Variants in USP47 observed in about 807,000 individuals in gnomAD.
USP47 encodes ubiquitin carboxyl-terminal hydrolase 47.
A neutral mutation model predicts 165.1 loss-of-function variants in USP47; 35 were observed. The ratio of observed to expected loss-of-function variants is 0.21; its 90% CI spans 0.16 to 0.28. The LOEUF is 0.28. USP47 is among the 10% of genes least tolerant of loss of function. USP47 has a pLI of 1.00. For synonymous variants in USP47, 531 were observed against 544.5 expected (o/e 0.98, Z 0.35); for missense variants, 1,277 against 1,607.4 (o/e 0.79, Z 3.52).
At chr11:11,931,097 G>A (rs1156981127) in intron 14 of USP47, among the ~76,000 whole-genome samples, 1 of 151,894 alleles carries the variant, frequency 6.6e-6, no homozygotes, top group Non-Finnish European at 1.5e-5. Flanking sequence ...TGCTAATTCT[G>A]ACTCAGGCTG....
At chr11:11,915,225 A>G (rs1241142923) in intron 8 of USP47, among the ~76,000 whole-genome samples, 2 of 152,224 alleles carry the variant, frequency 1.3e-5, no homozygotes, top group African/African-American at 2.4e-5. Flanking sequence ...AAAAAAGCCA[A>G]TCTCAAAAGG....
intron 3 of USP47, among the ~76,000 whole-genome samples, chr11:11,888,647 T>C (rs1232165426): frequency 6.6e-6 from 1 of 152,178 alleles, no homozygotes; most frequent in Non-Finnish European, 1.5e-5. Flanking sequence ...GTACCATTTC[T>C]ACTGAAACTA....
At chr11:11,869,302 A>T (rs1220139925) in intron 1 of USP47, among the ~76,000 whole-genome samples, 2 of 150,224 alleles carry the variant, frequency 1.3e-5, no homozygotes, top group African/African-American at 4.8e-5. Flanking sequence ...TAAGATGGAG[A>T]GTTAGGTTGA....
At chr11:11,896,579 TGTAA>T (rs1851861620) in intron 4 of USP47, among the ~76,000 whole-genome samples, 1 of 152,226 alleles carries the variant, frequency 6.6e-6, no homozygotes, top group African/African-American at 2.4e-5. Flanking sequence ...TTGTGTTACT[TGTAA>T]GTCATACACA....
intron 1 of USP47, 114 bp downstream of exon 1, chr11:11,842,338 A>G (rs1053231285): frequency 4.9e-6 from 6 of 1,234,552 alleles, no homozygotes; most frequent in Non-Finnish European, 6.7e-6. Flanking sequence ...GCTGTGGGGG[A>G]ATGAGGAGGC....
intron 1 of USP47, among the ~76,000 whole-genome samples, chr11:11,865,340 T>G (rs1410065633): frequency 6.6e-6 from 1 of 152,172 alleles, no homozygotes; most frequent in African/African-American, 2.4e-5. Context: ...GATCATTGTT[T>G]TAGGGTCTGT....
In USP47 at chr11:11,842,033, C is replaced by T; in HGVS notation, c.-153C>T. ...GGAGCCCTGGGTCGGTGTCTGCGCG[C>T]TGGTGTCTGAGGCCCAGGCTGAGGC... On this transcript the variant is annotated 5_prime_UTR_variant, in exon 1 of 28. Coordinates refer to ENST00000527733, the MANE Select transcript of USP47 (RefSeq NM_001282659.2). 1 of 908,448 alleles carries T rather than the reference C, an allele frequency of 1.1e-6. No homozygotes were observed. The highest frequency in any genetic ancestry group is 2.9e-5 in the East Asian group (1 of 34,460). The allele number at this position is 908,448 out of a possible 1,614,324, so 56.3% of individuals were successfully genotyped here.
chr11:11,938,413 C>T, intron 18 of USP47, 41 bp downstream of exon 18: 1 of 1,455,742 alleles, frequency 6.9e-7, no homozygotes, highest in Non-Finnish European at 9.6e-7. Flanking sequence ...TTTTGAGAGC[C>T]TGCTATGTAC....
chr11:11,873,903 C>T, intron 1 of USP47: 2 of 1,122,864 alleles, frequency 1.8e-6, no homozygotes, highest in East Asian at 2.9e-5. Context: ...ATCAGCAGAG[C>T]AAGTAACAGC....
intron 7 of USP47, among the ~76,000 whole-genome samples, chr11:11,904,875 TA>T (rs1431866920): frequency 6.6e-6 from 1 of 152,152 alleles, no homozygotes; most frequent in Non-Finnish European, 1.5e-5. Context: ...TACTGAAAGC[TA>T]AAAAGTTTGA....
At chr11:11,917,956 G>T (rs1853549612) in intron 8 of USP47, among the ~76,000 whole-genome samples, 1 of 152,094 alleles carries the variant, frequency 6.6e-6, no homozygotes, top group Admixed American at 6.6e-5. Context: ...TAAAATCAAG[G>T]GTGGAAGATT....
chr11:11,842,266 G>T (rs1426605192), intron 1 of USP47, 42 bp downstream of exon 1: 1 of 1,546,112 alleles, frequency 6.5e-7, no homozygotes, highest in Admixed American at 2.0e-5. Context: ...GCCTGCGGCC[G>T]CTCGAGGCAA....
intron 1 of USP47, among the ~76,000 whole-genome samples, chr11:11,874,687 G>A (rs1850278818): frequency 6.6e-6 from 1 of 151,938 alleles, no homozygotes; most frequent in African/African-American, 2.4e-5. Context: ...AGCCTCCGGA[G>A]TAGCTGGGAT....
rs34511735 is a variant in USP47 at position 11,884,503 on chromosome 11, G to C, written c.280G>C (p.Asp94His). The C allele has an allele frequency of 0.015, 24,796 of 1,611,342 alleles. 267 individuals carry two copies. Among genetic ancestry groups the C allele is most frequent in the Middle Eastern group, 0.02 (123 of 6,050 alleles). Reference sequence around the variant, plus strand: ...TCATACCAGTGACAAGTCACTTCTCGACGCTAATTTTGAGCCAGGAAAGAA... The same window carrying C: ...TCATACCAGTGACAAGTCACTTCTCCACGCTAATTTTGAGCCAGGAAAGAA... ...LDHTSDKSLL[D>H]ANFEPGKKNF... The change falls in exon 3 of 28, where the codon GAC (aspartate) becomes CAC (histidine). Residue 94 changes from aspartate (D) to histidine (H), a missense_variant. By Grantham distance (81) the Asp-to-His change is moderately conservative (BLOSUM62 -1). Coordinates refer to ENST00000527733, the MANE Select transcript of USP47 (RefSeq NM_001282659.2).
At chr11:11,847,002 G>A (rs7951773) in intron 1 of USP47, among the ~76,000 whole-genome samples, 38,564 of 151,946 alleles carry the variant, frequency 0.25, 5,702 homozygotes, top group East Asian at 0.52. Flanking sequence ...CAGTATTTTA[G>A]ATATCATTGG....
intron 1 of USP47, among the ~76,000 whole-genome samples, chr11:11,849,862 C>A (rs1415810605): frequency 6.6e-6 from 1 of 151,998 alleles, no homozygotes; most frequent in Non-Finnish European, 1.5e-5. Context: ...TGTTTTTTCT[C>A]CCCTCTTGTT....
rs1243674621 is a variant in USP47, at chr11:11,958,698, T to C, written c.*2523T>C. 1 of 152,260 alleles carries C rather than the reference T, an allele frequency of 6.6e-6. No individual in the cohort carries two copies. Among genetic ancestry groups the C allele is most frequent in the Non-Finnish European group, 1.5e-5 (1 of 68,066 alleles). 9.4% of individuals were successfully genotyped at this position (152,260 alleles called of 1,614,324 possible). On this transcript the variant is annotated 3_prime_UTR_variant, in exon 28 of 28. Coordinates refer to ENST00000527733, the MANE Select transcript of USP47 (RefSeq NM_001282659.2). ...ACCCTGTGAGAACCAAGTACCTGTGTTTCTAAGGCGGGCACTCAAGGTGAG... is the reference window on the plus strand; with the variant it reads ...ACCCTGTGAGAACCAAGTACCTGTGCTTCTAAGGCGGGCACTCAAGGTGAG...
At chr11:11,857,823 C>G (rs572349245) in intron 1 of USP47, among the ~76,000 whole-genome samples, 1 of 152,180 alleles carries the variant, frequency 6.6e-6, no homozygotes, top group East Asian at 1.9e-4. Flanking sequence ...TTTGTAACTT[C>G]GCTTCAGCCT....
At chr11:11,945,162 G>A (rs950779394) in intron 20 of USP47, among the ~76,000 whole-genome samples, 1 of 152,154 alleles carries the variant, frequency 6.6e-6, no homozygotes, top group African/African-American at 2.4e-5. Context: ...CCCGGAAAAT[G>A]TCTTCTCATG....
Sources: allele counts gnomAD v4.1 joint callset (sites outside exome capture counted in the v4.1 genomes callset), GRCh38; gene constraint gnomAD v4.1.1; transcripts MANE v1.5; gene names NCBI Gene and HGNC (gene_info 2026-07-23, HGNC 2026-07-21).